The following NEBL variants were observed in gnomAD, a reference collection of about 807,000 sequenced individuals.
The protein encoded by NEBL is LIM and SH3 protein 2.
A neutral mutation model predicts 140.2 loss-of-function variants in NEBL; 122 were observed. The ratio of observed to expected loss-of-function variants is 0.87; its 90% CI spans 0.75 to 1.01. The LOEUF is 1.01. NEBL is among the 50% of genes least tolerant of loss of function. The probability of loss-of-function intolerance (pLI) is 0.00; values close to 1 mark genes in which losing one functional copy is unlikely to be tolerated. For synonymous variants in NEBL, 436 were observed against 398.9 expected (o/e 1.09, Z -1.11); for missense variants, 1,365 against 1,231.3 (o/e 1.11, Z -1.62).
chr10:21,227,711 T>TTCTTCTTCTTCC (rs1456600511), intron 3 of NEBL, among the ~76,000 whole-genome samples: 1 of 46,424 alleles, frequency 2.2e-5, no homozygotes, highest in African/African-American at 6.6e-5. Flanking sequence ...CTTCTTCTTC[T>TTCTTCTTCTTCC]TTCTTCTTCT....
chr10:20,908,975 T>C (rs1384469287), intron 4 of NEBL, among the ~76,000 whole-genome samples: 5 of 152,186 alleles, frequency 3.3e-5, no homozygotes, highest in African/African-American at 9.7e-5. Context: ...ACTGAGATCA[T>C]AAAATTTGTG....
At chr10:20,813,613 T>C (rs2130792123) in intron 23 of NEBL, 1 of 243,826 alleles carries the variant, frequency 4.1e-6, no homozygotes, top group South Asian at 6.9e-5. Context: ...CTTCTTTTCA[T>C]ATCCTTTATG....
At chr10:21,105,548 G>T (rs1015718439) in intron 2 of NEBL, among the ~76,000 whole-genome samples, 1 of 152,096 alleles carries the variant, frequency 6.6e-6, no homozygotes, top group African/African-American at 2.4e-5. Flanking sequence ...AGTATTCCGT[G>T]GTGCATATGT....
chr10:20,808,285 T>C (rs1040471454), intron 26 of NEBL, among the ~76,000 whole-genome samples: 19 of 151,794 alleles, frequency 1.3e-4, no homozygotes, highest in African/African-American at 4.4e-4. Context: ...ATTGCTGCGA[T>C]AATAGTGAAG....
intron 26 of NEBL, among the ~76,000 whole-genome samples, chr10:20,807,768 G>C (rs2574771): frequency 0.1 from 15,535 of 152,068 alleles, 1,029 homozygotes; most frequent in Middle Eastern, 0.17. Context: ...CCTCCTTGCT[G>C]TACTAAAATA....
At chr10:20,966,321 C>T (rs771380622) in intron 3 of NEBL, among the ~76,000 whole-genome samples, 1 of 152,134 alleles carries the variant, frequency 6.6e-6, no homozygotes, top group Non-Finnish European at 1.5e-5. Context: ...GAATTTAAAC[C>T]GATTCTTTTC....
chr10:20,942,272 A>C (rs1416224879), intron 4 of NEBL, among the ~76,000 whole-genome samples: 1 of 152,220 alleles, frequency 6.6e-6, no homozygotes, highest in East Asian at 1.9e-4. Context: ...CAGAGCCCTC[A>C]GAAATAATGC....
chr10:21,091,909 G>A (rs781731680), intron 2 of NEBL, among the ~76,000 whole-genome samples: 15 of 152,240 alleles, frequency 9.9e-5, no homozygotes, highest in Admixed American at 5.9e-4. Flanking sequence ...TGGGATTACC[G>A]GCAAGAGCCA....
chr10:21,116,036 A>G (rs1031725916), intron 2 of NEBL, among the ~76,000 whole-genome samples: 2 of 151,892 alleles, frequency 1.3e-5, no homozygotes, highest in East Asian at 3.9e-4. Flanking sequence ...CTTCTGTATC[A>G]TATTTTTTCA....
intron 2 of NEBL, among the ~76,000 whole-genome samples, chr10:21,109,892 C>T (rs1025352505): frequency 2.6e-5 from 4 of 152,210 alleles, no homozygotes; most frequent in Admixed American, 1.3e-4. Flanking sequence ...ATTCTTCTCT[C>T]TTATCTTCTT....
At position 20,882,086 on chromosome 10, in the gene NEBL, G is replaced by A. The variant is rs147413104; in HGVS notation, c.370-1182C>T. Among the ~76,000 whole-genome samples, 120 of 152,280 alleles carry A rather than the reference G, an allele frequency of 7.9e-4. No homozygotes were observed. In the East Asian group the frequency reaches 0.02, roughly 25 times the overall value. On this transcript the variant is annotated intron_variant, in intron 4 of 27. Coordinates refer to ENST00000377122, the MANE Select transcript of NEBL (RefSeq NM_006393.3). ...CCAGCTACATGGGAGGCTGAGGCAG[G>A]AGGATTGCCTGATCCCAGGAGGTCG... is the stretch of plus-strand genomic sequence containing the variant.
chr10:21,137,936 G>A (rs1210356172), intron 2 of NEBL, among the ~76,000 whole-genome samples: 3 of 148,220 alleles, frequency 2.0e-5, no homozygotes, highest in Non-Finnish European at 4.5e-5. Context: ...AAAAAAAAAA[G>A]GAAAGGGAAG....
At chr10:20,928,043 G>A (rs1283815878) in intron 4 of NEBL, among the ~76,000 whole-genome samples, 2 of 152,094 alleles carry the variant, frequency 1.3e-5, no homozygotes, top group African/African-American at 4.8e-5. Context: ...GATCCAAATT[G>A]TCATTTCAAC....
At chr10:21,135,174 C>T (rs1199878122) in intron 2 of NEBL, among the ~76,000 whole-genome samples, 1 of 152,202 alleles carries the variant, frequency 6.6e-6, no homozygotes, top group African/African-American at 2.4e-5. Flanking sequence ...CTGAACTCCA[C>T]CTTGGGGACA....
intron 26 of NEBL, among the ~76,000 whole-genome samples, chr10:20,798,722 T>C (rs1836814285): frequency 6.6e-6 from 1 of 152,192 alleles, no homozygotes; most frequent in African/African-American, 2.4e-5. Flanking sequence ...CCAAATCAAC[T>C]CAGCCTCACA....
chr10:21,000,504 G>C (rs938525098), intron 3 of NEBL, among the ~76,000 whole-genome samples: 1 of 152,040 alleles, frequency 6.6e-6, no homozygotes, highest in Non-Finnish European at 1.5e-5. Context: ...AAAGAACAGA[G>C]GTCTCTAAAG....
intron 4 of NEBL, among the ~76,000 whole-genome samples, chr10:20,946,432 G>A (rs763772016): frequency 3.9e-5 from 6 of 152,038 alleles, no homozygotes; most frequent in Admixed American, 6.6e-5. Flanking sequence ...GAGTAGCTAC[G>A]TGGCTACCCA....
intron 2 of NEBL, among the ~76,000 whole-genome samples, chr10:21,106,566 C>T (rs145750576): frequency 0.014 from 2,152 of 152,184 alleles, 50 homozygotes; most frequent in African/African-American, 0.047. Context: ...GGTACCAGTA[C>T]CAGCCTGTTT....
intron 2 of NEBL, among the ~76,000 whole-genome samples, chr10:21,093,453 GC>G (rs1461239105): frequency 6.6e-6 from 1 of 152,090 alleles, no homozygotes; most frequent in African/African-American, 2.4e-5. Flanking sequence ...GACGCCCAAA[GC>G]CAAGTTCATC....
Sources: gnomAD v4.1 joint callset for allele counts (sites outside exome capture counted in the v4.1 genomes callset) on GRCh38, gnomAD v4.1.1 for gene constraint, MANE v1.5 for transcripts, NCBI Gene and HGNC (gene_info 2026-07-23, HGNC 2026-07-21) for gene names.